Variants in FOXP2 observed in about 807,000 individuals in gnomAD.
FOXP2 encodes forkhead box P2.
In FOXP2, 12 loss-of-function variants were observed where a neutral mutation model predicts 115.8. The ratio of observed to expected loss-of-function variants is 0.10; its 90% CI spans 0.07 to 0.17. FOXP2 has a LOEUF of 0.17. Among genes scored for constraint, FOXP2 ranks in the 10% least tolerant of loss-of-function variants. The pLI, the probability that FOXP2 is intolerant of heterozygous loss-of-function variation, is 1.00. For missense variants in FOXP2, 629 were observed against 843.5 expected (o/e 0.75, Z 3.15); for synonymous variants, 328 against 297.7 (o/e 1.10, Z -1.05).
At chr7:114,557,460 A>G (rs1800520071) in intron 3 of FOXP2, among the ~76,000 whole-genome samples, 1 of 152,138 alleles carries the variant, frequency 6.6e-6, no homozygotes. Context: ...TAAATAGGAA[A>G]GAAAGGGGCA....
intron 1 of FOXP2, among the ~76,000 whole-genome samples, chr7:114,273,746 A>G (rs1562848567): frequency 6.6e-6 from 1 of 152,094 alleles, no homozygotes; most frequent in Admixed American, 6.6e-5. Flanking sequence ...TGAAATTAAT[A>G]TAGATACTCC....
In FOXP2 at chr7:114,690,915, A is replaced by G; in HGVS notation, c.*989A>G. 2.2e-6 allele frequency: 1 copy of G among 454,540 alleles called. No individual in the cohort carries two copies. Among genetic ancestry groups the G allele is most frequent in the South Asian group, 1.6e-5 (1 of 64,478 alleles). The allele number at this position is 454,540 out of a possible 1,614,324, so 28.2% of individuals were successfully genotyped here. Reference sequence around the variant, plus strand: ...TCATTTAGCCCTAAACAAAGAAACAAATATGACAAAAACCACAACTAAAAA... The same window carrying G: ...TCATTTAGCCCTAAACAAAGAAACAGATATGACAAAAACCACAACTAAAAA... On this transcript the variant is annotated 3_prime_UTR_variant, in exon 17 of 17. Transcript: ENST00000350908.
chr7:114,541,395 T>C (rs1256464456), intron 3 of FOXP2, among the ~76,000 whole-genome samples: 1 of 151,982 alleles, frequency 6.6e-6, no homozygotes, highest in Non-Finnish European at 1.5e-5. Context: ...TAGCATTGGA[T>C]TTATTAAGGA....
At chr7:114,436,726 T>C (rs981415527) in intron 2 of FOXP2, among the ~76,000 whole-genome samples, 17 of 151,792 alleles carry the variant, frequency 1.1e-4, no homozygotes, top group Non-Finnish European at 2.4e-4. Flanking sequence ...GACAGATGCT[T>C]CAAAGGATAT....
intron 1 of FOXP2, among the ~76,000 whole-genome samples, chr7:114,262,358 G>A (rs1472359477): frequency 1.3e-5 from 2 of 151,912 alleles, no homozygotes; most frequent in African/African-American, 4.8e-5. Context: ...AGGAGTTTGA[G>A]GCTTGGAGTG....
intron 1 of FOXP2, among the ~76,000 whole-genome samples, chr7:114,249,939 C>G (rs752751381): frequency 6.4e-5 from 8 of 124,042 alleles, no homozygotes; most frequent in Non-Finnish European, 1.0e-4. Flanking sequence ...CTAATGCTAT[C>G]CCTCCCCCCT....
chr7:114,340,189 C>G (rs1455386728), intron 2 of FOXP2, among the ~76,000 whole-genome samples: 1 of 151,112 alleles, frequency 6.6e-6, no homozygotes. Context: ...ATAGTGATTT[C>G]TTCTGATCCC....
intron 1 of FOXP2, among the ~76,000 whole-genome samples, chr7:114,108,891 A>T (rs1449280311): frequency 1.3e-5 from 2 of 151,988 alleles, no homozygotes; most frequent in Non-Finnish European, 2.9e-5. Flanking sequence ...AGAATGATGA[A>T]CTATATCTAG....
chr7:114,365,940 AAT>A (rs1237073813), intron 2 of FOXP2, among the ~76,000 whole-genome samples: 2 of 152,082 alleles, frequency 1.3e-5, no homozygotes, highest in Non-Finnish European at 2.9e-5. Flanking sequence ...TTTCCCCCAA[AAT>A]TCCTATTTTT....
intron 1 of FOXP2, among the ~76,000 whole-genome samples, chr7:114,235,404 A>T (rs1035773086): frequency 1.3e-5 from 2 of 151,546 alleles, no homozygotes; most frequent in African/African-American, 2.4e-5. Context: ...TTTATCACTT[A>T]AAAAAAAGGA....
intron 1 of FOXP2, among the ~76,000 whole-genome samples, chr7:114,152,728 G>T (rs1407164960): frequency 6.6e-6 from 1 of 152,130 alleles, no homozygotes; most frequent in Admixed American, 6.6e-5. Flanking sequence ...AGGGAGGGTA[G>T]AGAAGCAAGT....
intron 3 of FOXP2, among the ~76,000 whole-genome samples, chr7:114,581,115 G>A (rs575329105): frequency 5.2e-5 from 7 of 135,758 alleles, no homozygotes; most frequent in South Asian, 2.4e-4. Flanking sequence ...ACAAGCACAC[G>A]GACAGATTGG....
intron 2 of FOXP2, among the ~76,000 whole-genome samples, chr7:114,312,931 T>C (rs1408095546): frequency 6.6e-6 from 1 of 152,180 alleles, no homozygotes; most frequent in East Asian, 1.9e-4. Context: ...CCTAGCAGAA[T>C]GTGGAGAAAC....
At chr7:114,364,832 G>A (rs1791839454) in intron 2 of FOXP2, among the ~76,000 whole-genome samples, 1 of 152,040 alleles carries the variant, frequency 6.6e-6, no homozygotes, top group African/African-American at 2.4e-5. Context: ...ATAATCTTTG[G>A]CTAGTGGCAT....
chr7:114,431,465 T>C (rs1005378898), intron 2 of FOXP2, among the ~76,000 whole-genome samples: 2 of 151,928 alleles, frequency 1.3e-5, no homozygotes, highest in African/African-American at 4.8e-5. Context: ...CTAAGTAACA[T>C]TGCAAAGAGA....
chr7:114,633,654 G>A (rs1327031873), intron 6 of FOXP2, among the ~76,000 whole-genome samples: 1 of 152,076 alleles, frequency 6.6e-6, no homozygotes, highest in Non-Finnish European at 1.5e-5. Flanking sequence ...TGTTTTTTAC[G>A]ATTTAGATGA....
intron 1 of FOXP2, among the ~76,000 whole-genome samples, chr7:114,098,124 G>T (rs73716354): frequency 0.06 from 9,093 of 152,250 alleles, 533 homozygotes; most frequent in African/African-American, 0.16. Flanking sequence ...CAAATTGTTA[G>T]TTTGAAAATG....
chr7:114,172,977 CTT>C (rs1336315753), intron 1 of FOXP2, among the ~76,000 whole-genome samples: 1 of 151,924 alleles, frequency 6.6e-6, no homozygotes, highest in East Asian at 1.9e-4. Context: ...TATTTAATAA[CTT>C]TTAATCACAG....
At position 114,089,587 on chromosome 7, in the gene FOXP2, G is replaced by T. The variant is rs533511321; in HGVS notation, c.-247+1749G>T. 1.4e-4 allele frequency among the ~76,000 whole-genome samples: 21 copies of T among 151,998 alleles called. No individual in the cohort carries two copies. In the South Asian group the frequency reaches 3.3e-3, roughly 24 times the overall value. On this transcript the variant is annotated intron_variant, in intron 1 of 19. Transcript: ENST00000635638. ...ATGATATGAAGAGATTTATGAAATG[G>T]TTGTACCTGAATAAGCTGTACTTGG...
Sources: allele counts gnomAD v4.1 joint callset (sites outside exome capture counted in the v4.1 genomes callset), GRCh38; gene constraint gnomAD v4.1.1; transcripts MANE v1.5; gene names NCBI Gene and HGNC (gene_info 2026-07-23, HGNC 2026-07-21).